Variants in ZFP69B observed in about 807,000 individuals in gnomAD.
ZFP69B encodes the protein zinc finger protein 69 homolog B.
A neutral mutation model predicts 19.7 loss-of-function variants in ZFP69B; 20 were observed. That is an observed-to-expected ratio of 1.02 (90% CI 0.71 to 1.48). The LOEUF is 1.48. ZFP69B is among the 40% of genes most tolerant of loss of function. The pLI is 0.00. For missense variants in ZFP69B, 583 were observed against 632.6 expected, an observed-to-expected ratio of 0.92 and a Z score of 0.84; for synonymous variants, 220 against 222.7, an observed-to-expected ratio of 0.99 and a Z score of 0.11.
At position 40,461,145 on chromosome 1, in the gene ZFP69B, C is replaced by CAA. The variant is rs576934778; in HGVS notation, c.437-1259_437-1258dup. 1.5e-3 allele frequency among the ~76,000 whole-genome samples: 79 copies of CAA among 51,334 alleles called. 1 individual carries two copies. Among genetic ancestry groups the CAA allele is most frequent in the African/African-American group, 3.8e-3 (64 of 17,012 alleles). 33.7% of individuals were successfully genotyped at this position (51,334 alleles called of 152,430 possible). A position where few individuals can be genotyped will look rare whatever the true frequency, so the allele number is the denominator to read the frequency against. Reference sequence around the variant, plus strand: ...TGGGTGACACAGCAAGACCCCATCACAAAAAAAAAAAAAAAAAAGATATAG... The same window carrying CAA: ...TGGGTGACACAGCAAGACCCCATCACAAAAAAAAAAAAAAAAAAAAGATATAG... On this transcript the variant is annotated intron_variant, in intron 4 of 4. Coordinates refer to ENST00000361584, the MANE Select transcript of ZFP69B (RefSeq NM_023070.3).
At chr1:40,461,188 A>G (rs960758096) in intron 4 of ZFP69B, among the ~76,000 whole-genome samples, 5 of 151,314 alleles carry the variant, frequency 3.3e-5, no homozygotes, top group African/African-American at 1.2e-4. Context: ...ACAGATGTAG[A>G]TATGTATACC....
Position 40,450,713 on chromosome 1 carries a change from A to AC in ZFP69B, c.-248dup. On this transcript the variant is annotated 5_prime_UTR_variant, in exon 1 of 5. An upstream open reading frame in the 5' UTR gains an earlier in-frame stop. Coordinates refer to ENST00000361584, the MANE Select transcript of ZFP69B (RefSeq NM_023070.3). ...GCGCCTCCAGCTGCTGGCCAAGGAG[A>AC]CAGATGGAGCTCAAGTTGGGAGATA... The AC allele has an allele frequency of 3.4e-6, 1 of 290,028 alleles. No homozygotes were observed. Among genetic ancestry groups the AC allele is most frequent in the Non-Finnish European group, 6.3e-6 (1 of 157,558 alleles). The allele number at this position is 290,028 out of a possible 1,614,324, so 18.0% of individuals were successfully genotyped here.
Position 40,462,635 on chromosome 1 carries a change from C to G in ZFP69B, c.651C>G (p.Phe217Leu), listed in dbSNP as rs763232411. 4 of 1,613,746 alleles carry G rather than the reference C, an allele frequency of 2.5e-6. No individual in the cohort carries two copies. The highest frequency in any genetic ancestry group is 3.4e-6 in the Non-Finnish European group (4 of 1,179,970). The change falls in exon 5 of 5, where the codon TTC becomes TTG. Residue 217 changes from phenylalanine (F) to leucine (L), a missense_variant. Transcript: ENST00000361584. ...GQIPLMCKKT[F>L]TQERGQESNR... ...TCCCCCTGATGTGCAAGAAAACATT[C>G]ACTCAGGAGAGAGGCCAAGAGTCTA... is the stretch of plus-strand genomic sequence containing the variant.
rs560379802 is a variant in ZFP69B, at chr1:40,463,085, A to G, written c.1101A>G (p.Val367=). ...GGGAAAAGCCCTATGAATGTAGGGT[A>G]TGTGAGAAAGCCTTCAGCCAGAGCA... ...HTGEKPYECR[V]CEKAFSQSIG... Residue 367 remains valine (V), a synonymous_variant, in exon 5 of 5, where the codon GTA becomes GTG. Coordinates refer to ENST00000361584, the MANE Select transcript of ZFP69B (RefSeq NM_023070.3). 4 of 1,614,198 alleles carry G rather than the reference A, an allele frequency of 2.5e-6. No homozygotes were observed. Among genetic ancestry groups the G allele is most frequent in the Non-Finnish European group, 3.4e-6 (4 of 1,180,022 alleles).
intron 1 of ZFP69B, among the ~76,000 whole-genome samples, chr1:40,453,953 A>C (rs1025573715): frequency 6.6e-6 from 1 of 152,178 alleles, no homozygotes; most frequent in African/African-American, 2.4e-5. Context: ...TCAGTGGGGA[A>C]ACCTTTGAGG....
chr1:40,462,191 A>G (rs2982501), intron 4 of ZFP69B, among the ~76,000 whole-genome samples: 23,979 of 152,018 alleles, frequency 0.16, 2,750 homozygotes, highest in East Asian at 0.33. Context: ...AAATGCTGGG[A>G]TGATAGGCAT....
intron 2 of ZFP69B, among the ~76,000 whole-genome samples, chr1:40,456,413 C>CA (rs1230264588): frequency 6.6e-6 from 1 of 152,168 alleles, no homozygotes; most frequent in Non-Finnish European, 1.5e-5. Flanking sequence ...ATAATAGACA[C>CA]TTATACTTCT....
intron 4 of ZFP69B, among the ~76,000 whole-genome samples, chr1:40,457,923 C>T (rs561330203): frequency 6.6e-6 from 1 of 152,170 alleles, no homozygotes; most frequent in Admixed American, 6.5e-5. Context: ...TGTAATTTAA[C>T]TTTTCATGCC....
chr1:40,462,565 A>C lies in ZFP69B; in HGVS notation c.581A>C (p.Lys194Thr). Reference sequence around the variant, plus strand: ...TTGGGAAGAATCTCCAAATGTAATAAGCTAGAAAGCCAACAAGAGAACCAA... The same window carrying C: ...TTGGGAAGAATCTCCAAATGTAATACGCTAGAAAGCCAACAAGAGAACCAA... ...STLGRISKCNKLESQQENQRM... is the reference protein window; with the variant it reads ...STLGRISKCNTLESQQENQRM... The change falls in exon 5 of 5, where the codon AAG becomes ACG. Residue 194 changes from lysine (K) to threonine (T), a missense_variant. By Grantham distance (78) the Lys-to-Thr change is moderately conservative. Transcript: ENST00000361584. 1 of 1,614,152 alleles carries C rather than the reference A, an allele frequency of 6.2e-7. No homozygotes were observed. Among genetic ancestry groups the C allele is most frequent in the Non-Finnish European group, 8.5e-7 (1 of 1,180,022 alleles).
At chr1:40,455,390 A>G (rs1172390776) in intron 2 of ZFP69B, among the ~76,000 whole-genome samples, 1 of 152,252 alleles carries the variant, frequency 6.6e-6, no homozygotes, top group Non-Finnish European at 1.5e-5. Context: ...CATAGGGTTT[A>G]ATCCTATGTC....
intron 4 of ZFP69B, among the ~76,000 whole-genome samples, chr1:40,460,708 C>T (rs1294562287): frequency 2.0e-5 from 3 of 151,094 alleles, no homozygotes; most frequent in East Asian, 1.9e-4. Context: ...AGCAGCTGGG[C>T]GCAGTGGCTT....
In ZFP69B at chr1:40,454,308, C is replaced by T; in HGVS notation, c.213+20C>T. ...TCCCAGGTGGGTTGGAGTTTCTGGT[C>T]ACTTTCTTGACATTGTTTCTCAGAT... On this transcript the variant is annotated intron_variant, in intron 2 of 4. Transcript: ENST00000361584. 2 of 1,530,112 alleles carry T rather than the reference C, an allele frequency of 1.3e-6. No homozygotes were observed. Among genetic ancestry groups the T allele is most frequent in the Non-Finnish European group, 1.8e-6 (2 of 1,129,356 alleles). The allele number at this position is 1,530,112 out of a possible 1,614,324, so 94.8% of individuals were successfully genotyped here. A position where few individuals can be genotyped will look rare whatever the true frequency, so the allele number is the denominator to read the frequency against.
At chr1:40,451,137 T>C (rs1406347126) in intron 1 of ZFP69B, 49 bp downstream of exon 1, 4 of 1,454,832 alleles carry the variant, frequency 2.7e-6, no homozygotes, top group Non-Finnish European at 2.7e-6. Context: ...TCCCCTCTAG[T>C]GTGAGAAGGA....
At chr1:40,459,868 G>A (rs1438085545) in intron 4 of ZFP69B, among the ~76,000 whole-genome samples, 2 of 152,002 alleles carry the variant, frequency 1.3e-5, no homozygotes, top group Non-Finnish European at 2.9e-5. Context: ...AGATTTTTTT[G>A]TGAACAGGAA....
intron 4 of ZFP69B, among the ~76,000 whole-genome samples, chr1:40,460,527 A>G (rs1330553277): frequency 6.6e-6 from 1 of 152,182 alleles, no homozygotes; most frequent in Non-Finnish European, 1.5e-5. Context: ...CTTAATGTAC[A>G]GATATAAAAA....
chr1:40,455,737 C>T (rs1645226560), intron 2 of ZFP69B, among the ~76,000 whole-genome samples: 2 of 152,156 alleles, frequency 1.3e-5, no homozygotes, highest in Non-Finnish European at 2.9e-5. Context: ...AGATATTTCT[C>T]CTAATGCTAT....
Position 40,463,254 on chromosome 1 carries a change from TG to T in ZFP69B, c.1271del (p.Cys424LeufsTer11), listed in dbSNP as rs1174426735. On this transcript the variant is annotated frameshift_variant, in exon 5 of 5. Transcript: ENST00000361584. LOFTEE classifies it low-confidence loss of function (END_TRUNC). ...TGTGAAACCCTATATTTGTAATGTA[TG>T]TAGTAAAACCTTCAGCCATAGTACA... ...TGVKPYICNV[C>X]SKTFSHSTYL... 1 of 1,614,172 alleles carries T rather than the reference TG, an allele frequency of 6.2e-7. No individual in the cohort carries two copies. The highest frequency in any genetic ancestry group is 1.7e-5 in the Admixed American group (1 of 60,032).
In ZFP69B at chr1:40,450,648, C is replaced by A. The variant is rs1324025665; in HGVS notation, c.-314C>A. On this transcript the variant is annotated 5_prime_UTR_variant, in exon 1 of 5. It adds an upstream start codon to the 5' untranslated region. Transcript: ENST00000361584. ...AGTCCTTTGCTGATTCTAATGTCTT[C>A]TGCTCAGCATCTGCAGGGGCTGCTG... is the stretch of plus-strand genomic sequence containing the variant. 1 of 189,884 alleles carries A rather than the reference C, an allele frequency of 5.3e-6. No individual in the cohort carries two copies. The highest frequency in any genetic ancestry group is 2.3e-5 in the African/African-American group (1 of 42,622). 11.8% of individuals were successfully genotyped at this position (189,884 alleles called of 1,614,324 possible). A position where few individuals can be genotyped will look rare whatever the true frequency, so the allele number is the denominator to read the frequency against.
At chr1:40,451,226 G>T in intron 1 of ZFP69B, 138 bp downstream of exon 1, 1 of 1,155,250 alleles carries the variant, frequency 8.7e-7, no homozygotes, top group Non-Finnish European at 1.1e-6. Flanking sequence ...GTGGCTCCTA[G>T]TCTGGGGTTT....
Sources: allele counts gnomAD v4.1 joint callset (sites outside exome capture counted in the v4.1 genomes callset), GRCh38; gene constraint gnomAD v4.1.1; transcripts MANE v1.5; gene names NCBI Gene and HGNC (gene_info 2026-07-23, HGNC 2026-07-21).